Variants in KLHL6 observed in about 807,000 individuals in gnomAD.
KLHL6 encodes the protein kelch like family member 6, also known as kelch-like protein 6.
In KLHL6, 41 loss-of-function variants were observed where a neutral mutation model predicts 58.6. The observed-to-expected ratio is 0.70, with a 90% CI of 0.55 to 0.91. The LOEUF is 0.91. Ranked by LOEUF, KLHL6 falls within the 40% of genes least tolerant of loss-of-function variation. KLHL6 has a pLI of 0.00. For synonymous variants in KLHL6, 338 were observed against 322.7 expected (o/e 1.05, Z -0.51); for missense variants, 714 against 805.6 (o/e 0.89, Z 1.38).
At chr3:183,533,315 T>C (rs1194442227) in intron 1 of KLHL6, among the ~76,000 whole-genome samples, 1 of 150,332 alleles carries the variant, frequency 6.7e-6, no homozygotes, top group African/African-American at 2.5e-5. Flanking sequence ...TTTCTTTCTC[T>C]CTTTTTCTTT....
chr3:183,543,516 A>T (rs1201634789), intron 1 of KLHL6, among the ~76,000 whole-genome samples: 1 of 152,114 alleles, frequency 6.6e-6, no homozygotes, highest in Non-Finnish European at 1.5e-5. Flanking sequence ...TAGTCACCTG[A>T]CACTTTCCTA....
rs1007684633 is a variant in KLHL6 at position 183,499,919 on chromosome 3, T to C, written c.910-92A>G. On this transcript the variant is annotated intron_variant, in intron 3 of 6. Coordinates refer to ENST00000341319, the MANE Select transcript of KLHL6 (RefSeq NM_130446.4). This position sits in a 1 kb window ranked among gnomAD's most constrained non-coding sequence, Gnocchi z 4.6. ...CATTAGGAGTCGGGTCCAATTCCCA[T>C]ATCTGCCACGGTATGACCATGTGAC... 7 of 851,922 alleles carry C rather than the reference T, an allele frequency of 8.2e-6. No homozygotes were observed. Among genetic ancestry groups the C allele is most frequent in the East Asian group, 2.8e-5 (1 of 35,998 alleles). The allele number at this position is 851,922 out of a possible 1,614,324, so 52.8% of individuals were successfully genotyped here.
Position 183,510,964 on chromosome 3 carries a change from T to TCCTACA in KLHL6, c.460-2457_460-2456insTGTAGG, listed in dbSNP as rs61323308. On this transcript the variant is annotated intron_variant, in intron 2 of 6. Transcript: ENST00000341319. ...CCTCTACACCTGTGGGTATTTCTCG[T>TCCTACA]CAGGTGGGACGAGAGACTGAGAAAA... Among the ~76,000 whole-genome samples, 1,075 of 152,242 alleles carry TCCTACA rather than the reference T, an allele frequency of 7.1e-3. 8 individuals are homozygous for TCCTACA. The highest frequency in any genetic ancestry group is 0.025 in the African/African-American group (1,031 of 41,544).
At chr3:183,517,399 T>C (rs1711602374) in intron 2 of KLHL6, among the ~76,000 whole-genome samples, 1 of 152,176 alleles carries the variant, frequency 6.6e-6, no homozygotes, top group Admixed American at 6.6e-5. Flanking sequence ...TCCAGCTCCG[T>C]TCCCGTGGCA....
intron 2 of KLHL6, among the ~76,000 whole-genome samples, chr3:183,513,989 T>C (rs1718260405): frequency 6.6e-6 from 1 of 152,164 alleles, no homozygotes; most frequent in Non-Finnish European, 1.5e-5. Context: ...TCTGTTCCTG[T>C]GTTAGTTTGC....
At chr3:183,508,547 G>T (rs770200597) in intron 2 of KLHL6, 39 bp from the exon 3 acceptor site, 3 of 1,577,300 alleles carry the variant, frequency 1.9e-6, no homozygotes, top group Middle Eastern at 1.7e-4. Flanking sequence ...GCCAGAAAAT[G>T]GTGAGTCCAC....
At position 183,534,648 on chromosome 3, in the gene KLHL6, C is replaced by G. The variant is rs568546739; in HGVS notation, c.294-6638G>C. Among the ~76,000 whole-genome samples the G allele has an allele frequency of 9.9e-5, 15 of 151,862 alleles. No individual in the cohort carries two copies. The South Asian group carries it at 1.5e-3, about 15-fold the overall frequency. On this transcript the variant is annotated intron_variant, in intron 1 of 6. Coordinates refer to ENST00000341319, the MANE Select transcript of KLHL6 (RefSeq NM_130446.4). ...AAACTCCTGGGCTCAGGCGATCCAC[C>G]CACCTCGGTCTCCCAAAGTGAGGGA...
chr3:183,518,174 T>C (rs1560100471), intron 2 of KLHL6, among the ~76,000 whole-genome samples: 1 of 152,138 alleles, frequency 6.6e-6, no homozygotes, highest in Non-Finnish European at 1.5e-5. Flanking sequence ...GAAGTGGATA[T>C]ATGGAGTTGG....
At chr3:183,552,553 C>T (rs1361786194) in intron 1 of KLHL6, among the ~76,000 whole-genome samples, 2 of 151,632 alleles carry the variant, frequency 1.3e-5, no homozygotes, top group South Asian at 2.1e-4. Flanking sequence ...CCCGTCTCTA[C>T]TAAAAATACA....
chr3:183,509,375 G>A (rs138293635), intron 2 of KLHL6, among the ~76,000 whole-genome samples: 22 of 152,232 alleles, frequency 1.4e-4, no homozygotes, highest in Non-Finnish European at 2.4e-4. Flanking sequence ...AGAAAAGCAC[G>A]TCACAAATCA....
chr3:183,549,112 T>C (rs1371275457), intron 1 of KLHL6: 7 of 148,468 alleles, frequency 4.7e-5, no homozygotes, highest in African/African-American at 1.6e-4. Context: ...TGTATACCTA[T>C]GTAACAAACC....
intron 2 of KLHL6, among the ~76,000 whole-genome samples, chr3:183,513,124 G>A (rs1041628742): frequency 3.3e-5 from 5 of 152,198 alleles, no homozygotes; most frequent in South Asian, 2.1e-4. Flanking sequence ...GAAAAAATAC[G>A]TAAAATAAAC....
intron 1 of KLHL6, among the ~76,000 whole-genome samples, chr3:183,549,568 GCA>G (rs2108699685): frequency 6.6e-6 from 1 of 152,316 alleles, no homozygotes; most frequent in South Asian, 2.1e-4. Context: ...GAGTGCAGTG[GCA>G]TGATCTTGGC....
In KLHL6 at chr3:183,499,854, G is replaced by A. The variant is rs191152356; in HGVS notation, c.910-27C>T. On this transcript the variant is annotated intron_variant, in intron 3 of 6. Transcript: ENST00000341319. The surrounding 1 kb of genome is among the most constrained non-coding windows in gnomAD (Gnocchi z 4.6). ...TGGAAATCGATGGGGGTACATGAAGGCAGGGACAACACAAAGTTTCAGAGC... is the reference window on the plus strand; with the variant it reads ...TGGAAATCGATGGGGGTACATGAAGACAGGGACAACACAAAGTTTCAGAGC... 2.2e-5 allele frequency: 33 copies of A among 1,523,282 alleles called. No homozygotes were observed. Among genetic ancestry groups the A allele is most frequent in the African/African-American group, 4.2e-5 (3 of 71,226 alleles). The allele number at this position is 1,523,282 out of a possible 1,614,324, so 94.4% of individuals were successfully genotyped here. A position where few individuals can be genotyped will look rare whatever the true frequency, so the allele number is the denominator to read the frequency against.
intron 3 of KLHL6, among the ~76,000 whole-genome samples, chr3:183,507,730 G>C (rs549561654): frequency 6.3e-4 from 96 of 152,148 alleles, no homozygotes; most frequent in Non-Finnish European, 1.2e-3. Flanking sequence ...CACCAGGCCC[G>C]GCCCAGGGCA....
chr3:183,502,089 A>T (rs987030396), intron 3 of KLHL6, among the ~76,000 whole-genome samples: 5 of 152,170 alleles, frequency 3.3e-5, no homozygotes, highest in African/African-American at 1.2e-4. Flanking sequence ...CAGGAGTTCG[A>T]GATCAGCCTG....
intron 2 of KLHL6, 137 bp downstream of exon 2, chr3:183,527,708 G>C: frequency 2.9e-6 from 2 of 701,174 alleles, no homozygotes; most frequent in African/African-American, 3.6e-5. Context: ...GCGTGTGTGT[G>C]TGTGTGTTTG....
At chr3:183,509,397 T>G (rs1274573193) in intron 2 of KLHL6, among the ~76,000 whole-genome samples, 1 of 152,218 alleles carries the variant, frequency 6.6e-6, no homozygotes, top group Non-Finnish European at 1.5e-5. Context: ...ATGTACATTG[T>G]GACCTTATTT....
At position 183,527,881 on chromosome 3, in the gene KLHL6, A is replaced by AT. The variant is rs1267362009; in HGVS notation, c.422dup (p.Asn141LysfsTer10). 1 of 1,614,054 alleles carries AT rather than the reference A, an allele frequency of 6.2e-7. No individual in the cohort carries two copies. Among genetic ancestry groups the AT allele is most frequent in the Non-Finnish European group, 8.5e-7 (1 of 1,179,990 alleles). On this transcript the variant is annotated frameshift_variant, in exon 2 of 7. Transcript: ENST00000341319. LOFTEE classifies it high-confidence loss of function. ...TAGCAGCCTCCAGGACCCGCTGGAC[A>AT]TTCTGCTTGGTGATCAGCGCCTTGC... is the stretch of plus-strand genomic sequence containing the variant.
Sources: allele counts gnomAD v4.1 joint callset (sites outside exome capture counted in the v4.1 genomes callset), GRCh38; gene constraint gnomAD v4.1.1; non-coding constraint Gnocchi (gnomAD v3.1); transcripts MANE v1.5; gene names NCBI Gene and HGNC (gene_info 2026-07-23, HGNC 2026-07-21).